Variants in TBC1D12 observed in about 807,000 individuals in gnomAD.
The protein encoded by TBC1D12 is TBC1 domain family member 12, also known as TBC1 domain family, member 12.
A neutral mutation model predicts 86.7 loss-of-function variants in TBC1D12; 56 were observed. That is an observed-to-expected ratio of 0.65 (90% CI 0.52 to 0.81). The LOEUF (loss-of-function observed/expected upper bound fraction) is 0.81, where lower values mean the gene tolerates loss of function less well. TBC1D12 is among the 30% of genes least tolerant of loss of function. The probability of loss-of-function intolerance (pLI) is 0.00; values close to 1 mark genes in which losing one functional copy is unlikely to be tolerated. For missense variants in TBC1D12, 1,023 were observed against 1,038.8 expected (o/e 0.98, Z 0.21); for synonymous variants, 421 against 411.7 (o/e 1.02, Z -0.27).
chr10:94,441,510 T>G (rs1038597990), intron 1 of TBC1D12, among the ~76,000 whole-genome samples: 5 of 152,202 alleles, frequency 3.3e-5, no homozygotes, highest in Non-Finnish European at 7.3e-5. Flanking sequence ...GCTATCATTT[T>G]CCTTCCAATT....
intron 1 of TBC1D12, among the ~76,000 whole-genome samples, chr10:94,406,433 G>C (rs1346493141): frequency 6.6e-6 from 1 of 152,168 alleles, no homozygotes; most frequent in South Asian, 2.1e-4. Flanking sequence ...GGGAAAGAAA[G>C]GGCAGAGTCA....
chr10:94,510,940 G>A (rs778509099), intron 8 of TBC1D12, among the ~76,000 whole-genome samples: 1 of 151,950 alleles, frequency 6.6e-6, no homozygotes, highest in Non-Finnish European at 1.5e-5. Context: ...TTTTTCTGCT[G>A]ATGGTGTATT....
chr10:94,440,465 A>G (rs1009793377), intron 1 of TBC1D12, among the ~76,000 whole-genome samples: 5 of 152,254 alleles, frequency 3.3e-5, no homozygotes, highest in African/African-American at 1.2e-4. Flanking sequence ...ATGAGCCACT[A>G]TGCCTGGCCA....
At chr10:94,532,961 T>C in intron 12 of TBC1D12, 67 bp from the exon 13 acceptor site, 1 of 880,402 alleles carries the variant, frequency 1.1e-6, no homozygotes, top group East Asian at 2.7e-5. Context: ...TGAACTATAG[T>C]TATTTAAATC....
chr10:94,499,947 A>T (rs536261972), intron 5 of TBC1D12, among the ~76,000 whole-genome samples: 3 of 152,216 alleles, frequency 2.0e-5, no homozygotes, highest in African/African-American at 7.2e-5. Context: ...CTGTTTTTTA[A>T]ATAATTGACT....
intron 1 of TBC1D12, among the ~76,000 whole-genome samples, chr10:94,410,666 T>C (rs2054917570): frequency 6.6e-6 from 1 of 152,366 alleles, no homozygotes; most frequent in East Asian, 1.9e-4. Flanking sequence ...ACAACTAGAC[T>C]GTAGATCTGT....
intron 1 of TBC1D12, among the ~76,000 whole-genome samples, chr10:94,427,598 G>A (rs961497198): frequency 1.3e-5 from 2 of 152,124 alleles, no homozygotes; most frequent in South Asian, 2.1e-4. Flanking sequence ...TTGGGAGGCC[G>A]AGGCAGGTGG....
At chr10:94,516,361 AAAAC>A (rs1057046622) in intron 9 of TBC1D12, among the ~76,000 whole-genome samples, 1 of 152,218 alleles carries the variant, frequency 6.6e-6, no homozygotes, top group African/African-American at 2.4e-5. Flanking sequence ...ATAAATGAAA[AAAAC>A]AAAACAAATT....
intron 1 of TBC1D12, among the ~76,000 whole-genome samples, chr10:94,413,978 C>T (rs565216881): frequency 6.6e-6 from 1 of 152,062 alleles, no homozygotes; most frequent in South Asian, 2.1e-4. Context: ...CTAGACTGTT[C>T]GTAGCCATCT....
intron 1 of TBC1D12, among the ~76,000 whole-genome samples, chr10:94,414,748 C>T (rs1213971201): frequency 2.0e-5 from 3 of 152,062 alleles, no homozygotes; most frequent in Non-Finnish European, 2.9e-5. Context: ...TACAGGCGTG[C>T]ACCTCACGCC....
chr10:94,522,937 G>C (rs1468840652), intron 11 of TBC1D12, among the ~76,000 whole-genome samples: 1 of 151,412 alleles, frequency 6.6e-6, no homozygotes, highest in Non-Finnish European at 1.5e-5. Flanking sequence ...CCAGCTACTT[G>C]GGAGGCTGAG....
At chr10:94,500,721 T>G (rs1175765346) in intron 6 of TBC1D12, among the ~76,000 whole-genome samples, 1 of 152,190 alleles carries the variant, frequency 6.6e-6, no homozygotes, top group Non-Finnish European at 1.5e-5. Flanking sequence ...CTTTTCCTCC[T>G]TCTTTACCTA....
intron 2 of TBC1D12, among the ~76,000 whole-genome samples, chr10:94,453,761 T>C (rs1188907566): frequency 2.6e-5 from 4 of 152,358 alleles, no homozygotes; most frequent in Non-Finnish European, 5.9e-5. Flanking sequence ...TACATTTAGG[T>C]CTGTAAACCA....
intron 7 of TBC1D12, 31 bp from the exon 8 acceptor site, chr10:94,510,060 C>G: frequency 6.5e-7 from 1 of 1,536,716 alleles, no homozygotes; most frequent in Middle Eastern, 1.7e-4. Flanking sequence ...GCCAAGTGAT[C>G]ATTTAAATTG....
chr10:94,515,915 A>ACGG (rs141991089), intron 9 of TBC1D12, among the ~76,000 whole-genome samples: 1 of 151,740 alleles, frequency 6.6e-6, no homozygotes. Context: ...GGTAGCATAT[A>ACGG]CATGGTTACA....
At chr10:94,407,722 A>AAGG (rs1172044840) in intron 1 of TBC1D12, among the ~76,000 whole-genome samples, 6 of 151,786 alleles carry the variant, frequency 4.0e-5, no homozygotes, top group Non-Finnish European at 8.8e-5. Flanking sequence ...ACTCAGCAGT[A>AAGG]AGGAGGAGTG....
chr10:94,433,617 A>G lies in TBC1D12; in HGVS notation c.972-8279A>G, dbSNP rs185301525. ...TAGGTAAAGCTATAGAGACATAAAT[A>G]CCCCCAAGGCCCTTTATAGAATTCT... is the stretch of plus-strand genomic sequence containing the variant. On this transcript the variant is annotated intron_variant, in intron 1 of 12. Transcript: ENST00000225235. 3.3e-5 allele frequency among the ~76,000 whole-genome samples: 5 copies of G among 152,244 alleles called. No homozygotes were observed. The East Asian group carries it at 7.7e-4, about 24-fold the overall frequency.
intron 2 of TBC1D12, among the ~76,000 whole-genome samples, chr10:94,457,357 A>G (rs2055643598): frequency 6.6e-6 from 1 of 152,152 alleles, no homozygotes; most frequent in South Asian, 2.1e-4. Flanking sequence ...TAGGCAACAC[A>G]TGGCTGGGTC....
At chr10:94,507,917 G>A (rs2056481179) in intron 7 of TBC1D12, among the ~76,000 whole-genome samples, 1 of 152,166 alleles carries the variant, frequency 6.6e-6, no homozygotes, top group South Asian at 2.1e-4. Flanking sequence ...AACCTGGGAG[G>A]CAGAGGTTAC....
Sources: allele counts gnomAD v4.1 joint callset (sites outside exome capture counted in the v4.1 genomes callset), GRCh38; gene constraint gnomAD v4.1.1; transcripts MANE v1.5; gene names NCBI Gene and HGNC (gene_info 2026-07-23, HGNC 2026-07-21).